Variants in GLIPR2 observed in about 807,000 individuals in gnomAD.
GLIPR2 encodes the protein Golgi-associated plant pathogenesis-related protein 1.
In GLIPR2, 21 loss-of-function variants were observed where a neutral mutation model predicts 20.4. The observed-to-expected ratio is 1.03, with a 90% CI of 0.73 to 1.48. The LOEUF (loss-of-function observed/expected upper bound fraction) is 1.48. Among genes scored for constraint, GLIPR2 ranks in the 40% most tolerant of loss-of-function variants. The pLI, the probability that GLIPR2 is intolerant of heterozygous loss-of-function variation, is 0.00. For synonymous variants in GLIPR2, 91 were observed against 80.5 expected (o/e 1.13, Z -0.70); for missense variants, 205 against 200.1 (o/e 1.02, Z -0.15).
chr9:36,161,907 C>T (rs551308194), intron 4 of GLIPR2, among the ~76,000 whole-genome samples: 36 of 152,244 alleles, frequency 2.4e-4, no homozygotes, highest in African/African-American at 8.7e-4. Context: ...GGCAGTCTGG[C>T]CAGGCACAGT....
chr9:36,157,643 G>A (rs935986197), intron 4 of GLIPR2, among the ~76,000 whole-genome samples: 7 of 151,204 alleles, frequency 4.6e-5, no homozygotes, highest in African/African-American at 1.2e-4. Context: ...CACTACGCCC[G>A]GCCTCAGAAT....
In GLIPR2 at chr9:36,147,863, C is replaced by A. The variant is rs148977682; in HGVS notation, c.91C>A (p.Leu31Ile). 1.6e-4 allele frequency: 252 copies of A among 1,584,910 alleles called. 3 individuals are homozygous for A. The highest frequency in any genetic ancestry group is 3.0e-4 in the Admixed American group (18 of 59,982). ...RQKHGVPPLKLCKNLNREAQQ... is the reference protein window; with the variant it reads ...RQKHGVPPLKICKNLNREAQQ... ...GAAGCACGGCGTCCCCCCACTGAAG[C>A]TCTGCAAGAACCTCAACCGGGAGGC... is the stretch of plus-strand genomic sequence containing the variant. Residue 31 changes from leucine to isoleucine, a missense_variant, in exon 2 of 5, where the codon CTC (leucine) becomes ATC (isoleucine). By Grantham distance (5) the Leu-to-Ile change is conservative. Coordinates refer to ENST00000377960, the MANE Select transcript of GLIPR2 (RefSeq NM_022343.4).
chr9:36,156,402 A>T (rs886544092), intron 4 of GLIPR2, among the ~76,000 whole-genome samples: 60 of 148,158 alleles, frequency 4.0e-4, no homozygotes, highest in South Asian at 1.2e-3. Flanking sequence ...AAAAAAAAAA[A>T]AAAAAAAAAA....
intron 3 of GLIPR2, among the ~76,000 whole-genome samples, chr9:36,149,334 C>G (rs550816155): frequency 6.6e-6 from 1 of 152,326 alleles, no homozygotes; most frequent in South Asian, 2.1e-4. Context: ...CACTCCCTCC[C>G]CAGCCTCACA....
At chr9:36,145,651 A>T (rs890121686) in intron 1 of GLIPR2, among the ~76,000 whole-genome samples, 2 of 152,102 alleles carry the variant, frequency 1.3e-5, no homozygotes, top group African/African-American at 4.8e-5. Context: ...AGATGTATGG[A>T]AGATATTAGG....
intron 4 of GLIPR2, among the ~76,000 whole-genome samples, chr9:36,153,369 G>T (rs1825687721): frequency 6.6e-6 from 1 of 152,162 alleles, no homozygotes; most frequent in African/African-American, 2.4e-5. Flanking sequence ...ATCCCAGAGC[G>T]GCCAGCCCTT....
chr9:36,142,134 G>A (rs1458210214), intron 1 of GLIPR2, among the ~76,000 whole-genome samples: 2 of 152,224 alleles, frequency 1.3e-5, no homozygotes, highest in Non-Finnish European at 2.9e-5. Context: ...CTCTTGAGAA[G>A]CCTTCGTTCT....
rs1825442807 is a variant in GLIPR2, at chr9:36,148,609, A to G, written c.185A>G (p.Gln62Arg). ...LKHSPESSRGQCGENLAWASY... is the reference protein window; with the variant it reads ...LKHSPESSRGRCGENLAWASY... ...CACAGCCCGGAGTCCAGCCGTGGCC[A>G]GTGTGGGGAGAACCTTGCATGGGCA... Residue 62 changes from glutamine (Q) to arginine (R), a missense_variant, in exon 3 of 5, where the codon CAG becomes CGG. By Grantham distance (43) the Gln-to-Arg change is conservative. Coordinates refer to ENST00000377960, the MANE Select transcript of GLIPR2 (RefSeq NM_022343.4). The G allele has an allele frequency of 6.2e-7, 1 of 1,613,970 alleles. No individual in the cohort carries two copies. Among genetic ancestry groups the G allele is most frequent in the Non-Finnish European group, 8.5e-7 (1 of 1,179,934 alleles).
At chr9:36,137,033 G>T (rs1824853702) in intron 1 of GLIPR2, among the ~76,000 whole-genome samples, 1 of 152,158 alleles carries the variant, frequency 6.6e-6, no homozygotes, top group South Asian at 2.1e-4. Context: ...CGACCCTGAG[G>T]GGCTGCGCGC....
intron 4 of GLIPR2, among the ~76,000 whole-genome samples, chr9:36,158,515 GTTTA>G (rs1825931570): frequency 6.6e-6 from 1 of 151,954 alleles, no homozygotes; most frequent in African/African-American, 2.4e-5. Context: ...CTCATCAAAT[GTTTA>G]TTGAGCATCT....
chr9:36,155,105 C>T (rs1825773572), intron 4 of GLIPR2, among the ~76,000 whole-genome samples: 1 of 152,182 alleles, frequency 6.6e-6, no homozygotes, highest in African/African-American at 2.4e-5. Flanking sequence ...TATTAAACAG[C>T]AGTTAATACA....
At chr9:36,147,546 C>A (rs1825381830) in intron 1 of GLIPR2, among the ~76,000 whole-genome samples, 1 of 152,162 alleles carries the variant, frequency 6.6e-6, no homozygotes, top group South Asian at 2.1e-4. Context: ...CTAACAGGGC[C>A]CATAAGGCCC....
chr9:36,160,483 A>T (rs1006076990), intron 4 of GLIPR2, among the ~76,000 whole-genome samples: 5 of 151,942 alleles, frequency 3.3e-5, no homozygotes, highest in Non-Finnish European at 7.4e-5. Flanking sequence ...GGTGACAGAG[A>T]TCCTGTCAGA....
chr9:36,150,622 G>T (rs112487563), intron 3 of GLIPR2, among the ~76,000 whole-genome samples: 2,570 of 152,266 alleles, frequency 0.017, 78 homozygotes, highest in African/African-American at 0.058. Flanking sequence ...TGGGGGATAG[G>T]TGCAGATTCC....
chr9:36,156,133 C>CT (rs1335065160), intron 4 of GLIPR2, among the ~76,000 whole-genome samples: 2 of 152,150 alleles, frequency 1.3e-5, no homozygotes, highest in African/African-American at 4.8e-5. Context: ...TCGCTTGAAT[C>CT]TGGGAGGCGA....
chr9:36,152,864 TTTGGGAGG>T (rs1226271911), intron 4 of GLIPR2, among the ~76,000 whole-genome samples: 1 of 145,016 alleles, frequency 6.9e-6, no homozygotes, highest in Non-Finnish European at 1.5e-5. Flanking sequence ...ATCCCAAAAC[TTTGGGAGG>T]CCAAGGCAGG....
chr9:36,157,903 C>T (rs1769321989), intron 4 of GLIPR2, among the ~76,000 whole-genome samples: 2 of 152,036 alleles, frequency 1.3e-5, no homozygotes, highest in Non-Finnish European at 1.5e-5. Context: ...ACCTCTGCCT[C>T]CCAGGTTCAA....
intron 1 of GLIPR2, among the ~76,000 whole-genome samples, chr9:36,137,485 C>T (rs1824878596): frequency 6.6e-6 from 1 of 152,214 alleles, no homozygotes; most frequent in South Asian, 2.1e-4. Context: ...GTCCCTTCCC[C>T]TAGGTTTCCT....
intron 4 of GLIPR2, among the ~76,000 whole-genome samples, chr9:36,156,054 A>G (rs577118868): frequency 1.3e-5 from 2 of 152,206 alleles, no homozygotes; most frequent in Non-Finnish European, 2.9e-5. Flanking sequence ...TACTAAAAAT[A>G]CAAAAATTAG....
Sources: gnomAD v4.1 joint callset for allele counts (sites outside exome capture counted in the v4.1 genomes callset) on GRCh38, gnomAD v4.1.1 for gene constraint, MANE v1.5 for transcripts, NCBI Gene and HGNC (gene_info 2026-07-23, HGNC 2026-07-21) for gene names.